Variants in SLC30A8 observed in about 807,000 individuals in gnomAD.
The protein encoded by SLC30A8 is proton-coupled zinc antiporter SLC30A8.
In SLC30A8, 27 loss-of-function variants were observed where a neutral mutation model predicts 36.9. The ratio of observed to expected loss-of-function variants is 0.73; its 90% CI spans 0.54 to 1.01. The LOEUF is 1.01. Among genes scored for constraint, SLC30A8 ranks in the 50% least tolerant of loss-of-function variants. The probability of loss-of-function intolerance (pLI) is 0.00; values close to 1 mark genes in which losing one functional copy is unlikely to be tolerated. For missense variants in SLC30A8, 439 were observed against 452.0 expected (o/e 0.97, Z 0.26); for synonymous variants, 164 against 172.4 (o/e 0.95, Z 0.38).
chr8:117,062,487 A>G (rs868651), intron 2 of SLC30A8, among the ~76,000 whole-genome samples: 59,781 of 152,048 alleles, frequency 0.39, 14,788 homozygotes, highest in African/African-American at 0.71. Flanking sequence ...CAGATCTCAC[A>G]TGAACTCACT....
intron 1 of SLC30A8, among the ~76,000 whole-genome samples, chr8:117,023,412 A>G (rs1816770319): frequency 6.6e-6 from 1 of 152,240 alleles, no homozygotes; most frequent in Non-Finnish European, 1.5e-5. Context: ...CTGTAAAGAC[A>G]CATGCACACA....
At chr8:117,013,156 C>T (rs553446427) in intron 1 of SLC30A8, among the ~76,000 whole-genome samples, 22 of 152,140 alleles carry the variant, frequency 1.4e-4, no homozygotes, top group African/African-American at 5.1e-4. Flanking sequence ...TCCTTCAGCT[C>T]AAGGGTAGAA....
At chr8:116,962,489 TCC>T (rs1434498016) in intron 1 of SLC30A8, among the ~76,000 whole-genome samples, 1 of 152,136 alleles carries the variant, frequency 6.6e-6, no homozygotes, top group Non-Finnish European at 1.5e-5. Flanking sequence ...CCTCAATCCG[TCC>T]CCAAACTGTT....
At chr8:117,102,115 T>C (rs1426165632) in intron 2 of SLC30A8, among the ~76,000 whole-genome samples, 1 of 152,162 alleles carries the variant, frequency 6.6e-6, no homozygotes, top group Non-Finnish European at 1.5e-5. Flanking sequence ...TTGATGTTTT[T>C]GAAAACACTC....
intron 2 of SLC30A8, among the ~76,000 whole-genome samples, chr8:117,087,239 T>C (rs1818914277): frequency 6.6e-6 from 1 of 152,188 alleles, no homozygotes; most frequent in South Asian, 2.1e-4. Flanking sequence ...TTTACATTAG[T>C]AGGAAAAGAG....
At chr8:116,993,005 G>A (rs1241064002) in intron 1 of SLC30A8, among the ~76,000 whole-genome samples, 1 of 152,072 alleles carries the variant, frequency 6.6e-6, no homozygotes, top group African/African-American at 2.4e-5. Context: ...AGAGTGCCAT[G>A]GTGGCTGAGA....
chr8:117,045,796 A>G (rs890950413), intron 2 of SLC30A8, among the ~76,000 whole-genome samples: 2 of 152,120 alleles, frequency 1.3e-5, no homozygotes, highest in Non-Finnish European at 2.9e-5. Flanking sequence ...TAACATTTGG[A>G]CACTAACGTG....
chr8:117,060,447 G>A (rs1228560292), intron 2 of SLC30A8, among the ~76,000 whole-genome samples: 1 of 152,128 alleles, frequency 6.6e-6, no homozygotes, highest in African/African-American at 2.4e-5. Flanking sequence ...GAGAGTGGCA[G>A]TAAAAACCCC....
chr8:117,171,100 C>G lies in SLC30A8; in HGVS notation c.896C>G (p.Ser299Cys), dbSNP rs1157644561. 2.5e-6 allele frequency: 4 copies of G among 1,612,874 alleles called. No homozygotes were observed. The highest frequency in any genetic ancestry group is 3.4e-6 in the Non-Finnish European group (4 of 1,179,174). The change falls in exon 7 of 8, where the codon TCT (serine) becomes TGT (cysteine). Residue 299 changes from serine (S) to cysteine (C), a missense_variant. By Grantham distance (112) the Ser-to-Cys change is moderately radical. Coordinates refer to ENST00000456015, the MANE Select transcript of SLC30A8 (RefSeq NM_173851.3). ...ELILAVDGVL[S>C]VHSLHIWSLT... ...ATTTTAGCAGTCGACGGGGTGCTGTCTGTGCACAGCCTGCACATCTGGTCT... is the reference window on the plus strand; with the variant it reads ...ATTTTAGCAGTCGACGGGGTGCTGTGTGTGCACAGCCTGCACATCTGGTCT...
At chr8:116,979,539 A>G (rs1470220258) in intron 1 of SLC30A8, among the ~76,000 whole-genome samples, 1 of 152,112 alleles carries the variant, frequency 6.6e-6, no homozygotes, top group Non-Finnish European at 1.5e-5. Flanking sequence ...GTGGTCTCAG[A>G]CCCATTTCTG....
intron 1 of SLC30A8, among the ~76,000 whole-genome samples, chr8:116,965,408 G>A (rs974585009): frequency 2.6e-5 from 4 of 152,158 alleles, no homozygotes; most frequent in Admixed American, 2.6e-4. Flanking sequence ...AAAGTAACAA[G>A]AAACATTAAA....
chr8:116,980,745 G>C (rs4510896), intron 1 of SLC30A8, among the ~76,000 whole-genome samples: 73,162 of 151,906 alleles, frequency 0.48, 17,891 homozygotes, highest in Admixed American at 0.54. Flanking sequence ...CACCCCCATC[G>C]AAAGGCAACT....
chr8:116,966,401 G>A (rs34247878), intron 1 of SLC30A8, among the ~76,000 whole-genome samples: 47,854 of 151,908 alleles, frequency 0.32, 8,817 homozygotes, highest in East Asian at 0.49. Flanking sequence ...CCTTTTTCAG[G>A]CCCTTTAACT....
At position 117,046,695 on chromosome 8, in the gene SLC30A8, C is replaced by T. The variant is rs78256257; in HGVS notation, c.-226+7437C>T. Among the ~76,000 whole-genome samples the T allele has an allele frequency of 2.9e-3, 445 of 152,298 alleles. 10 individuals carry two copies. In the East Asian group the frequency reaches 0.064, roughly 22 times the overall value. ...AGAACAGAAGGCTCAGGAACTAAGA[C>T]GAAGCTGTGTCCTTCTCTCAAGATC... On this transcript the variant is annotated intron_variant, in intron 2 of 10. Coordinates refer to the SLC30A8 transcript ENST00000427715.
intron 6 of SLC30A8, among the ~76,000 whole-genome samples, chr8:117,164,539 A>G (rs1228736778): frequency 6.6e-6 from 1 of 152,184 alleles, no homozygotes; most frequent in Non-Finnish European, 1.5e-5. Context: ...GCACAACTGT[A>G]CTGCAGCCTG....
intron 1 of SLC30A8, among the ~76,000 whole-genome samples, chr8:117,034,685 G>C (rs1210733019): frequency 6.6e-6 from 1 of 152,166 alleles, no homozygotes; most frequent in East Asian, 1.9e-4. Flanking sequence ...TTACCAGAGA[G>C]TAACTGAGTG....
rs181172217 is a variant in SLC30A8 at position 117,170,922 on chromosome 8, C to A, written c.830-112C>A. 268 of 845,484 alleles carry A rather than the reference C, an allele frequency of 3.2e-4. 3 individuals are homozygous for A. The East Asian group carries it at 7.3e-3, about 23-fold the overall frequency. 52.4% of individuals were successfully genotyped at this position (845,484 alleles called of 1,614,324 possible). On this transcript the variant is annotated intron_variant, in intron 6 of 7. Coordinates refer to ENST00000456015, the MANE Select transcript of SLC30A8 (RefSeq NM_173851.3). ...GTAAACATTTGAAGTAAGAAACCAG[C>A]AAAGGGATGAACACATTGAAATTTT...
At chr8:117,142,253 A>G (rs1821687806) in intron 1 of SLC30A8, among the ~76,000 whole-genome samples, 1 of 151,966 alleles carries the variant, frequency 6.6e-6, no homozygotes, top group Non-Finnish European at 1.5e-5. Flanking sequence ...CTCAAATATG[A>G]CTACTTCTTT....
At chr8:117,132,040 T>C (rs1171598643), upstream of SLC30A8, among the ~76,000 whole-genome samples, 1 of 151,936 alleles carries the variant, frequency 6.6e-6, no homozygotes, top group Non-Finnish European at 1.5e-5. Flanking sequence ...AAGCAAAACA[T>C]GATGAAAGTC....
Sources: allele counts gnomAD v4.1 joint callset (sites outside exome capture counted in the v4.1 genomes callset), GRCh38; gene constraint gnomAD v4.1.1; transcripts MANE v1.5; gene names NCBI Gene and HGNC (gene_info 2026-07-23, HGNC 2026-07-21).